The following CNTN4 variants were observed in gnomAD, a reference collection of about 807,000 sequenced individuals.
The protein encoded by CNTN4 is contactin 4, also known as contactin-4.
In CNTN4, 77 loss-of-function variants were observed where a neutral mutation model predicts 122.5. The observed-to-expected ratio is 0.63, with a 90% confidence interval of 0.52 to 0.76. The LOEUF (loss-of-function observed/expected upper bound fraction) is 0.76. Among genes scored for constraint, CNTN4 ranks in the 30% least tolerant of loss-of-function variants. CNTN4 has a pLI of 0.00. For synonymous variants in CNTN4, 512 were observed against 447.0 expected, an observed-to-expected ratio of 1.15 and a Z score of -1.83; for missense variants, 1,256 against 1,259.1, an observed-to-expected ratio of 1.00 and a Z score of 0.04.
intron 3 of CNTN4, among the ~76,000 whole-genome samples, chr3:2,421,598 T>A (rs982182938): frequency 1.3e-5 from 2 of 152,136 alleles, no homozygotes; most frequent in African/African-American, 4.8e-5. Context: ...TTCTCTGTTG[T>A]AGTGGATAGC....
At chr3:2,815,281 C>G (rs1473856728) in intron 6 of CNTN4, among the ~76,000 whole-genome samples, 1 of 152,120 alleles carries the variant, frequency 6.6e-6, no homozygotes, top group Admixed American at 6.5e-5. Flanking sequence ...GCAAAAGGAA[C>G]AGTCAGCAGA....
intron 2 of CNTN4, among the ~76,000 whole-genome samples, chr3:2,120,884 T>G (rs922729731): frequency 3.3e-5 from 5 of 152,128 alleles, no homozygotes; most frequent in African/African-American, 1.2e-4. Context: ...ACTAAATGTT[T>G]CTATTATCTC....
chr3:2,519,643 G>A (rs529422246), intron 3 of CNTN4, among the ~76,000 whole-genome samples: 14 of 152,314 alleles, frequency 9.2e-5, no homozygotes, highest in African/African-American at 3.4e-4. Context: ...CAGGCAATAG[G>A]GAGTCCACAG....
intron 3 of CNTN4, among the ~76,000 whole-genome samples, chr3:2,521,920 C>G (rs1216182650): frequency 1.3e-5 from 2 of 152,084 alleles, no homozygotes; most frequent in Non-Finnish European, 2.9e-5. Flanking sequence ...GTGCTTATCA[C>G]TAAAGAGAGT....
chr3:2,683,536 G>A (rs2085275436), intron 4 of CNTN4, among the ~76,000 whole-genome samples: 5 of 152,006 alleles, frequency 3.3e-5, no homozygotes. Context: ...TTAGACCAGT[G>A]CCTTACACAA....
At chr3:2,652,489 T>C (rs1424334807) in intron 4 of CNTN4, among the ~76,000 whole-genome samples, 1 of 152,186 alleles carries the variant, frequency 6.6e-6, no homozygotes, top group Non-Finnish European at 1.5e-5. Flanking sequence ...GCTGTGCAGC[T>C]GCTGTGGGGC....
chr3:2,548,457 T>C (rs778021789), intron 3 of CNTN4, among the ~76,000 whole-genome samples: 1 of 152,306 alleles, frequency 6.6e-6, no homozygotes, highest in African/African-American at 2.4e-5. Context: ...GTTGTTTTTG[T>C]CAGGTTCTTC....
At chr3:3,037,373 G>A in intron 18 of CNTN4, 45 bp downstream of exon 18, 2 of 1,612,722 alleles carry the variant, frequency 1.2e-6, no homozygotes, top group Non-Finnish European at 1.7e-6. Flanking sequence ...GCCAGCTGCT[G>A]TTCCTTAGGA....
intron 13 of CNTN4, among the ~76,000 whole-genome samples, chr3:2,929,076 C>T (rs1404821593): frequency 6.6e-6 from 1 of 152,188 alleles, no homozygotes; most frequent in Admixed American, 6.5e-5. Context: ...AATTTCATAG[C>T]ATTCTTCTTG....
chr3:2,954,248 A>T (rs2094775988), intron 13 of CNTN4, among the ~76,000 whole-genome samples: 1 of 152,114 alleles, frequency 6.6e-6, no homozygotes. Context: ...TCCTCAGGAG[A>T]GAAAGAGGAA....
At chr3:2,735,229 T>C (rs1171231622) in intron 4 of CNTN4, among the ~76,000 whole-genome samples, 3 of 152,172 alleles carry the variant, frequency 2.0e-5, no homozygotes, top group African/African-American at 4.8e-5. Flanking sequence ...TCTAGCAGAG[T>C]CTTCCAGGAA....
intron 3 of CNTN4, among the ~76,000 whole-genome samples, chr3:2,532,764 T>G (rs757419339): frequency 1.3e-5 from 2 of 152,178 alleles, no homozygotes; most frequent in Admixed American, 1.3e-4. Flanking sequence ...TTCATACTCT[T>G]TCGTGTCATA....
chr3:2,836,003 G>A (rs1419114270), intron 7 of CNTN4, among the ~76,000 whole-genome samples: 1 of 151,862 alleles, frequency 6.6e-6, no homozygotes, highest in East Asian at 1.9e-4. Flanking sequence ...ACAAACTAGA[G>A]AAATACAAAT....
intron 5 of CNTN4, among the ~76,000 whole-genome samples, chr3:2,739,769 C>T (rs946405859): frequency 2.0e-5 from 3 of 152,140 alleles, no homozygotes; most frequent in African/African-American, 4.8e-5. Flanking sequence ...ATGCAGTTAT[C>T]GTTGCACATT....
chr3:2,380,057 CAAA>C (rs5846182), intron 3 of CNTN4, among the ~76,000 whole-genome samples: 1 of 119,806 alleles, frequency 8.3e-6, no homozygotes, highest in Non-Finnish European at 1.7e-5. Context: ...AACTCCATCT[CAAA>C]AAAAAAAAAA....
chr3:3,032,655 G>C (rs540923963), intron 16 of CNTN4, among the ~76,000 whole-genome samples: 7 of 152,240 alleles, frequency 4.6e-5, no homozygotes, highest in African/African-American at 1.7e-4. Context: ...CAGATTCTTT[G>C]ATTTTCTGAG....
chr3:2,590,595 G>C (rs1157513515), intron 4 of CNTN4, among the ~76,000 whole-genome samples: 1 of 151,850 alleles, frequency 6.6e-6, no homozygotes, highest in Non-Finnish European at 1.5e-5. Flanking sequence ...ACATGAGTTG[G>C]TTCCTGCTGC....
intron 4 of CNTN4, among the ~76,000 whole-genome samples, chr3:2,733,670 A>G (rs1208110876): frequency 1.3e-5 from 2 of 151,228 alleles, no homozygotes; most frequent in African/African-American, 4.9e-5. Flanking sequence ...AGTGGCTGGG[A>G]TTACAGGCAC....
intron 4 of CNTN4, among the ~76,000 whole-genome samples, chr3:2,621,823 G>A (rs1008039002): frequency 3.9e-5 from 6 of 151,958 alleles, no homozygotes; most frequent in African/African-American, 1.2e-4. Context: ...CTCTCAAGCA[G>A]GTATGGCCAA....
Sources: gnomAD v4.1 joint callset for allele counts (sites outside exome capture counted in the v4.1 genomes callset) on GRCh38, gnomAD v4.1.1 for gene constraint, MANE v1.5 for transcripts, NCBI Gene and HGNC (gene_info 2026-07-23, HGNC 2026-07-21) for gene names.